SCEL: variants seen among roughly 807,000 people sequenced by gnomAD.
SCEL encodes sciellin.
Under a neutral mutation model 117.6 loss-of-function variants are expected in SCEL, and 113 were observed. The observed-to-expected ratio is 0.96, with a 90% CI of 0.83 to 1.12. The LOEUF is 1.12. Ranked by LOEUF, SCEL falls within the 50% of genes most tolerant of loss-of-function variation. The pLI is 0.00. For missense variants in SCEL, 785 were observed against 810.8 expected (o/e 0.97, Z 0.39); for synonymous variants, 270 against 256.2 (o/e 1.05, Z -0.51).
At chr13:77,604,319 T>G in intron 18 of SCEL, 37 bp from the exon 19 acceptor site, 1 of 1,362,106 alleles carries the variant, frequency 7.3e-7, no homozygotes, top group Non-Finnish European at 1.0e-6. Flanking sequence ...TGCTATACTT[T>G]AACATCATTC....
intron 22 of SCEL, among the ~76,000 whole-genome samples, chr13:77,612,474 T>TTTTTTTTTC: frequency 6.8e-6 from 1 of 147,574 alleles, no homozygotes; most frequent in Non-Finnish European, 1.5e-5. Context: ...TTTTTTTTTT[T>TTTTTTTTTC]TTTTTTTTTT....
At chr13:77,588,285 C>T (rs757282725) in intron 9 of SCEL, among the ~76,000 whole-genome samples, 10 of 152,100 alleles carry the variant, frequency 6.6e-5, no homozygotes, top group Non-Finnish European at 1.3e-4. Context: ...GATGAAGAAA[C>T]AGAATCAAGT....
intron 19 of SCEL, 64 bp downstream of exon 19, chr13:77,604,479 G>C: frequency 7.5e-7 from 1 of 1,328,886 alleles, no homozygotes; most frequent in Non-Finnish European, 1.0e-6. Context: ...AGAATTCTGA[G>C]TGTTGGTATT....
At chr13:77,537,982 A>T (rs1723774647) in intron 1 of SCEL, among the ~76,000 whole-genome samples, 3 of 152,004 alleles carry the variant, frequency 2.0e-5, no homozygotes, top group Non-Finnish European at 2.9e-5. Context: ...GCTTTCTGTC[A>T]TTGTCCTGCT....
intron 21 of SCEL, 137 bp from the exon 22 acceptor site, chr13:77,609,910 C>T: frequency 2.5e-6 from 1 of 395,798 alleles, no homozygotes; most frequent in Non-Finnish European, 4.2e-6. Flanking sequence ...ACACTGAAAA[C>T]CCCCAGCCCT....
At chr13:77,637,245 C>T in intron 30 of SCEL, 51 bp downstream of exon 30, 1 of 610,658 alleles carries the variant, frequency 1.6e-6, no homozygotes, top group Non-Finnish European at 2.6e-6. Flanking sequence ...TACAGACACA[C>T]ACACACATAT....
At chr13:77,596,041 G>A (rs576599783) in intron 12 of SCEL, among the ~76,000 whole-genome samples, 2 of 152,142 alleles carry the variant, frequency 1.3e-5, no homozygotes, top group Non-Finnish European at 1.5e-5. Flanking sequence ...AGTATAGCAA[G>A]CATTTACTAG....
intron 28 of SCEL, among the ~76,000 whole-genome samples, chr13:77,634,162 T>C (rs1456125983): frequency 3.9e-5 from 6 of 152,200 alleles, no homozygotes. Flanking sequence ...TAACAATGCT[T>C]AGGAAGTAAA....
chr13:77,639,061 T>C (rs2090436636), intron 30 of SCEL, among the ~76,000 whole-genome samples: 1 of 152,132 alleles, frequency 6.6e-6, no homozygotes, highest in Non-Finnish European at 1.5e-5. Context: ...CTGGAAACAA[T>C]CATGCATGTT....
intron 4 of SCEL, among the ~76,000 whole-genome samples, chr13:77,563,190 C>T (rs2154396650): frequency 6.6e-6 from 1 of 151,980 alleles, no homozygotes; most frequent in East Asian, 1.9e-4. Flanking sequence ...TCTTCTTCTT[C>T]CTATCACTCT....
chr13:77,588,486 C>G (rs1014787201), intron 9 of SCEL, among the ~76,000 whole-genome samples: 4 of 152,098 alleles, frequency 2.6e-5, no homozygotes, highest in Non-Finnish European at 4.4e-5. Context: ...GTGACATACT[C>G]TTAGTAAGGT....
chr13:77,604,758 A>C (rs938113456), intron 19 of SCEL, among the ~76,000 whole-genome samples: 3 of 152,220 alleles, frequency 2.0e-5, no homozygotes, highest in African/African-American at 7.2e-5. Flanking sequence ...TTTATATATA[A>C]GTGCATGTAT....
chr13:77,614,485 G>A (rs2088884851), intron 24 of SCEL, among the ~76,000 whole-genome samples: 1 of 152,124 alleles, frequency 6.6e-6, no homozygotes, highest in African/African-American at 2.4e-5. Context: ...TTGAAGTAAT[G>A]TCAGTGAGAT....
chr13:77,634,618 A>G (rs531560914), intron 29 of SCEL, among the ~76,000 whole-genome samples, 168 bp downstream of exon 29: 3 of 152,282 alleles, frequency 2.0e-5, no homozygotes, highest in East Asian at 3.9e-4. Flanking sequence ...TTCTGATATT[A>G]TGTACTTGGG....
intron 24 of SCEL, among the ~76,000 whole-genome samples, chr13:77,616,443 G>A (rs980514312): frequency 2.0e-5 from 3 of 151,942 alleles, no homozygotes; most frequent in African/African-American, 7.2e-5. Context: ...TACATAAGGA[G>A]ATTATGTTGT....
At chr13:77,608,931 C>G in intron 20 of SCEL, 127 bp from the exon 21 acceptor site, 1 of 720,320 alleles carries the variant, frequency 1.4e-6, no homozygotes, top group Non-Finnish European at 2.2e-6. Context: ...AGAGCATAGA[C>G]TGGTATCAAT....
At chr13:77,618,765 A>G (rs2089243107) in intron 27 of SCEL, among the ~76,000 whole-genome samples, 1 of 145,078 alleles carries the variant, frequency 6.9e-6, no homozygotes, top group Admixed American at 7.6e-5. Context: ...TAAATAAGGA[A>G]AAAAGATATT....
chr13:77,570,330 C>G (rs922371777), intron 8 of SCEL, among the ~76,000 whole-genome samples: 1 of 152,108 alleles, frequency 6.6e-6, no homozygotes, highest in Non-Finnish European at 1.5e-5. Context: ...GTCCCTTGAC[C>G]CTTTGCCTAG....
intron 13 of SCEL, among the ~76,000 whole-genome samples, chr13:77,597,867 A>G (rs1327614650): frequency 6.6e-6 from 1 of 152,036 alleles, no homozygotes; most frequent in Non-Finnish European, 1.5e-5. Flanking sequence ...TGAAATATTA[A>G]TTAACTAAAA....
Sources: gnomAD v4.1 joint callset for allele counts (sites outside exome capture counted in the v4.1 genomes callset) on GRCh38, gnomAD v4.1.1 for gene constraint, MANE v1.5 for transcripts, NCBI Gene and HGNC (gene_info 2026-07-23, HGNC 2026-07-21) for gene names.